The following CCDC3 variants were observed in gnomAD, a reference collection of about 807,000 sequenced individuals.
The protein encoded by CCDC3 is coiled-coil domain containing 3, also known as coiled-coil domain-containing protein 3.
In CCDC3, 24 loss-of-function variants were observed where a neutral mutation model predicts 21.4. That is an observed-to-expected ratio of 1.12 (90% confidence interval 0.81 to 1.58). CCDC3 has a LOEUF of 1.58. Ranked by LOEUF, CCDC3 falls within the 40% of genes most tolerant of loss-of-function variation. The probability of loss-of-function intolerance (pLI) is 0.00; values close to 1 mark genes in which losing one functional copy is unlikely to be tolerated. For synonymous variants in CCDC3, 186 were observed against 166.0 expected (o/e 1.12, Z -0.93); for missense variants, 425 against 360.9 (o/e 1.18, Z -1.44).
At chr10:12,954,888 A>G (rs1334585694) in intron 2 of CCDC3, among the ~76,000 whole-genome samples, 3 of 152,190 alleles carry the variant, frequency 2.0e-5, no homozygotes, top group Non-Finnish European at 4.4e-5. Flanking sequence ...TGAAAACATA[A>G]GGGACTCAGA....
At chr10:12,988,905 C>T (rs1480436903) in intron 2 of CCDC3, among the ~76,000 whole-genome samples, 1 of 152,234 alleles carries the variant, frequency 6.6e-6, no homozygotes, top group Non-Finnish European at 1.5e-5. Context: ...TTTGGCTCTA[C>T]TTGGCCAATC....
intron 2 of CCDC3, among the ~76,000 whole-genome samples, chr10:12,952,977 T>C (rs923832401): frequency 4.6e-5 from 7 of 152,122 alleles, no homozygotes; most frequent in Non-Finnish European, 1.0e-4. Context: ...ATTCAAAGAA[T>C]ATCAAAGGAA....
intron 3 of CCDC3, among the ~76,000 whole-genome samples, chr10:13,077,294 A>C (rs1227606904): frequency 2.0e-5 from 3 of 152,208 alleles, no homozygotes; most frequent in Non-Finnish European, 4.4e-5. Context: ...TAGGAATCCA[A>C]CTTACAAGGG....
At chr10:13,060,849 T>C (rs1446455774) in intron 4 of CCDC3, among the ~76,000 whole-genome samples, 1 of 152,082 alleles carries the variant, frequency 6.6e-6, no homozygotes, top group African/African-American at 2.4e-5. Flanking sequence ...GGTTACTGGA[T>C]TTGACAATAA....
At chr10:13,041,944 T>C (rs1836463270) in intron 5 of CCDC3, among the ~76,000 whole-genome samples, 1 of 152,152 alleles carries the variant, frequency 6.6e-6, no homozygotes. Context: ...AGAATCTTGA[T>C]GGAGGCTCCC....
chr10:12,941,614 A>T (rs1834832873), intron 2 of CCDC3, among the ~76,000 whole-genome samples: 2 of 152,188 alleles, frequency 1.3e-5, no homozygotes, highest in African/African-American at 4.8e-5. Flanking sequence ...GTGACCAAGA[A>T]AAGATTAAGA....
intron 2 of CCDC3, among the ~76,000 whole-genome samples, chr10:12,981,498 G>A (rs1835496606): frequency 6.6e-6 from 1 of 151,926 alleles, no homozygotes; most frequent in African/African-American, 2.4e-5. Context: ...GGATCCTTTT[G>A]GATCCACCTA....
At chr10:13,015,890 CAGGG>C (rs1836052229) in intron 5 of CCDC3, among the ~76,000 whole-genome samples, 1 of 151,964 alleles carries the variant, frequency 6.6e-6, no homozygotes, top group Non-Finnish European at 1.5e-5. Flanking sequence ...TCTAGCAAAA[CAGGG>C]TGACTGTAGT....
chr10:12,904,690 T>G (rs982775402), intron 2 of CCDC3, among the ~76,000 whole-genome samples: 1 of 152,080 alleles, frequency 6.6e-6, no homozygotes, highest in South Asian at 2.1e-4. Flanking sequence ...GAAGTCTTCC[T>G]ATAAGTTTCC....
chr10:13,030,769 G>A (rs1414802838), intron 5 of CCDC3, among the ~76,000 whole-genome samples: 1 of 152,152 alleles, frequency 6.6e-6, no homozygotes, highest in African/African-American at 2.4e-5. Context: ...TAATGGTAAA[G>A]GGATCAATTC....
At chr10:13,022,287 T>C (rs1836156726) in intron 5 of CCDC3, among the ~76,000 whole-genome samples, 1 of 152,112 alleles carries the variant, frequency 6.6e-6, no homozygotes, top group African/African-American at 2.4e-5. Flanking sequence ...AAGGGCATGC[T>C]CAAGCAGGTC....
chr10:13,026,361 A>G (rs1030167073), intron 5 of CCDC3, among the ~76,000 whole-genome samples: 3 of 152,194 alleles, frequency 2.0e-5, no homozygotes, highest in African/African-American at 7.2e-5. Context: ...AAACTGCTTT[A>G]GTGGGAGGAT....
At chr10:13,036,676 G>A (rs902815628) in intron 5 of CCDC3, among the ~76,000 whole-genome samples, 1 of 151,940 alleles carries the variant, frequency 6.6e-6, no homozygotes, top group Non-Finnish European at 1.5e-5. Context: ...GTAGAGATGG[G>A]GTTTCACCAT....
intron 2 of CCDC3, among the ~76,000 whole-genome samples, chr10:12,991,626 T>A (rs1034710373): frequency 1.2e-4 from 18 of 152,114 alleles, no homozygotes; most frequent in Admixed American, 1.3e-4. Context: ...GAACCACCAA[T>A]CCTGGCTTTG....
chr10:13,091,288 C>T (rs569864273), intron 3 of CCDC3, among the ~76,000 whole-genome samples: 1 of 152,276 alleles, frequency 6.6e-6, no homozygotes, highest in Non-Finnish European at 1.5e-5. Flanking sequence ...CAATATTAGC[C>T]ATCACAGGAG....
At chr10:13,012,618 A>G (rs1202327627) in intron 5 of CCDC3, among the ~76,000 whole-genome samples, 1 of 152,076 alleles carries the variant, frequency 6.6e-6, no homozygotes, top group Non-Finnish European at 1.5e-5. Flanking sequence ...TTCATTAAGA[A>G]AAAGAAAAAA....
chr10:13,059,300 C>A (rs1406081591), intron 4 of CCDC3, among the ~76,000 whole-genome samples: 1 of 152,170 alleles, frequency 6.6e-6, no homozygotes, highest in Non-Finnish European at 1.5e-5. Context: ...ACCTCTCATG[C>A]CCCCATTTCA....
chr10:12,999,386 TAATC>T (rs750685446), intron 1 of CCDC3, among the ~76,000 whole-genome samples: 5 of 152,254 alleles, frequency 3.3e-5, no homozygotes, highest in Admixed American at 6.5e-5. Flanking sequence ...GGCCTAGCAT[TAATC>T]AATTAGAATG....
intron 3 of CCDC3, among the ~76,000 whole-genome samples, chr10:13,094,275 TG>T (rs1832607906): frequency 2.0e-5 from 3 of 151,706 alleles, no homozygotes; most frequent in African/African-American, 7.3e-5. Flanking sequence ...ATGATGATGA[TG>T]ATGATGATGA....
Sources: gnomAD v4.1 joint callset for allele counts (sites outside exome capture counted in the v4.1 genomes callset) on GRCh38, gnomAD v4.1.1 for gene constraint, MANE v1.5 for transcripts, NCBI Gene and HGNC (gene_info 2026-07-23, HGNC 2026-07-21) for gene names.